KMT2A: variants seen among roughly 807,000 people sequenced by gnomAD.
KMT2A encodes the protein lysine methyltransferase 2A.
KMT2A carries 16 observed loss-of-function variants against 345.3 expected under a neutral mutation model. The observed-to-expected ratio is 0.05, with a 90% CI of 0.03 to 0.07. The LOEUF (loss-of-function observed/expected upper bound fraction) is 0.07, where lower values mean the gene tolerates loss of function less well. Among genes scored for constraint, KMT2A ranks in the 10% least tolerant of loss-of-function variants. The pLI is 1.00. For synonymous variants in KMT2A, 1,599 were observed against 1,778.6 expected, an observed-to-expected ratio of 0.90 and a Z score of 2.54; for missense variants, 3,272 against 4,841.6, an observed-to-expected ratio of 0.68 and a Z score of 9.62.
intron 2 of KMT2A, among the ~76,000 whole-genome samples, chr11:118,470,886 G>T (rs1555035298): frequency 1.3e-5 from 2 of 152,114 alleles, no homozygotes. Flanking sequence ...TTTATAAATT[G>T]GCAAATTCCT....
In KMT2A at chr11:118,523,935, T is replaced by TA. The variant is rs1951025207; in HGVS notation, c.*1764dup. ...GAAGCTCCTCAAAAGGCTACAGTAA[T>TA]ATCTTGATACAACAGATTCTCTTCT... On this transcript the variant is annotated 3_prime_UTR_variant, in exon 36 of 36. Transcript: ENST00000534358. The TA allele has an allele frequency of 4.9e-6, 1 of 202,280 alleles. No individual in the cohort carries two copies. Among genetic ancestry groups the TA allele is most frequent in the South Asian group, 1.9e-4 (1 of 5,272 alleles). The allele number at this position is 202,280 out of a possible 1,614,324, so 12.5% of individuals were successfully genotyped here.
chr11:118,496,245 T>C lies in KMT2A; in HGVS notation c.5558-16T>C. 6.4e-7 allele frequency: 1 copy of C among 1,562,148 alleles called. No homozygotes were observed. Among genetic ancestry groups the C allele is most frequent in the South Asian group, 1.1e-5 (1 of 89,718 alleles). The stretch of plus-strand genomic sequence containing the variant: ...CTGGATCTCAAGGTATTGATGGGAG[T>C]CTTTTGGATTTCAAGGTACTGATAG... On this transcript the variant is annotated splice_polypyrimidine_tract_variant and intron_variant, in intron 19 of 35. Coordinates refer to ENST00000534358, the MANE Select transcript of KMT2A (RefSeq NM_001197104.2). This position sits in a 1 kb window ranked among gnomAD's most constrained non-coding sequence, Gnocchi z 4.7.
chr11:118,489,787 T>G lies in KMT2A; in HGVS notation c.4480-5T>G. On this transcript the variant is annotated splice_region_variant and splice_polypyrimidine_tract_variant and intron_variant, in intron 11 of 35. Transcript: ENST00000534358. Reference sequence around the variant, plus strand: ...TTATCTTTTTGCCATTATATTTTCTTACAGCAGCTGCTGGAGTGTAATAAG... The same window carrying G: ...TTATCTTTTTGCCATTATATTTTCTGACAGCAGCTGCTGGAGTGTAATAAG... 1 of 1,613,742 alleles carries G rather than the reference T, an allele frequency of 6.2e-7. No individual in the cohort carries two copies. Among genetic ancestry groups the G allele is most frequent in the Non-Finnish European group, 8.5e-7 (1 of 1,179,616 alleles).
intron 1 of KMT2A, 66 bp downstream of exon 1, chr11:118,437,010 A>G (rs1591332476): frequency 4.4e-6 from 6 of 1,352,710 alleles, no homozygotes; most frequent in South Asian, 1.7e-5. Context: ...CCCCTCCCCC[A>G]TCCGGGATTG....
In KMT2A at chr11:118,498,173, C is replaced by A; in HGVS notation, c.5802+100C>A. ...GGCCTCCCTGATATTTTTCACAGTG[C>A]CATCAGGGTAGTTAGCCAACAAGTA... On this transcript the variant is annotated intron_variant, in intron 21 of 35. Transcript: ENST00000534358. The surrounding 1 kb of genome is among the most constrained non-coding windows in gnomAD (Gnocchi z 4.4). The A allele has an allele frequency of 7.5e-7, 1 of 1,335,504 alleles. No homozygotes were observed. The highest frequency in any genetic ancestry group is 1.0e-6 in the Non-Finnish European group (1 of 954,320). The allele number at this position is 1,335,504 out of a possible 1,614,324, so 82.7% of individuals were successfully genotyped here.
Position 118,496,495 on chromosome 11 carries a change from C to A in KMT2A, c.5664+128C>A. ...TTACTTATAACTTACTAATTTATAACTTTTATTTACCTATAACTTATAACT... is the reference window on the plus strand; with the variant it reads ...TTACTTATAACTTACTAATTTATAAATTTTATTTACCTATAACTTATAACT... On this transcript the variant is annotated intron_variant, in intron 20 of 35. Transcript: ENST00000534358. The surrounding 1 kb of genome is among the most constrained non-coding windows in gnomAD (Gnocchi z 4.7). The A allele has an allele frequency of 1.8e-6, 1 of 569,106 alleles. No homozygotes were observed. The highest frequency in any genetic ancestry group is 2.4e-5 in the South Asian group (1 of 42,180). The allele number at this position is 569,106 out of a possible 1,614,324, so 35.3% of individuals were successfully genotyped here. A position where few individuals can be genotyped will look rare whatever the true frequency, so the allele number is the denominator to read the frequency against.
chr11:118,511,584 T>C (rs542128754), intron 30 of KMT2A, among the ~76,000 whole-genome samples: 5 of 152,320 alleles, frequency 3.3e-5, no homozygotes, highest in African/African-American at 1.2e-4. Flanking sequence ...TAAATCATTA[T>C]TACTAGTGCT....
At chr11:118,440,301 G>A (rs1555139788) in intron 1 of KMT2A, among the ~76,000 whole-genome samples, 1 of 152,202 alleles carries the variant, frequency 6.6e-6, no homozygotes. Flanking sequence ...TTAGGAAGTA[G>A]AATTGAGGTT....
chr11:118,478,903 T>C (rs1197677028), intron 5 of KMT2A, among the ~76,000 whole-genome samples: 2 of 152,202 alleles, frequency 1.3e-5, no homozygotes, highest in African/African-American at 4.8e-5. Flanking sequence ...ATTACAAACA[T>C]GAGCCACAGT....
In KMT2A at chr11:118,506,073, G is replaced by C; in HGVS notation, c.10181G>C (p.Gly3394Ala). The C allele has an allele frequency of 6.2e-7, 1 of 1,614,138 alleles. No individual in the cohort carries two copies. The highest frequency in any genetic ancestry group is 1.1e-5 in the South Asian group (1 of 91,072). The change falls in exon 27 of 36, where the codon GGG (glycine) becomes GCG (alanine). Residue 3394 changes from glycine to alanine, a missense_variant. Coordinates refer to ENST00000534358, the MANE Select transcript of KMT2A (RefSeq NM_001197104.2). ...ATCAAAGCTAGCCAGCAGAGCCTGG[G>C]GATTCAGGACCAGCCTGTGGCTTTA... Reference protein sequence around the residue: ...LLIKASQQSLGIQDQPVALPP... With the variant: ...LLIKASQQSLAIQDQPVALPP...
intron 28 of KMT2A, 94 bp downstream of exon 28, chr11:118,507,703 GCCTGTAAT>G: frequency 1.0e-6 from 1 of 970,732 alleles, no homozygotes; most frequent in Non-Finnish European, 1.6e-6. Flanking sequence ...AGTGGCTCAC[GCCTGTAAT>G]CCTAGTAGTC....
chr11:118,458,090 T>C (rs1555031416), intron 1 of KMT2A: 1 of 304,798 alleles, frequency 3.3e-6, no homozygotes, highest in Non-Finnish European at 6.6e-6. Context: ...TATTTTATTT[T>C]GGTTTATTTT....
intron 31 of KMT2A, 113 bp downstream of exon 31, chr11:118,512,138 C>A: frequency 2.4e-6 from 2 of 841,496 alleles, no homozygotes; most frequent in Non-Finnish European, 3.8e-6. Context: ...TTTTTCACAG[C>A]TTTATTGAGA....
At chr11:118,486,343 T>G (rs1180707676) in intron 10 of KMT2A, among the ~76,000 whole-genome samples, 1 of 150,058 alleles carries the variant, frequency 6.7e-6, no homozygotes, top group African/African-American at 2.5e-5. Context: ...AGAGTGTGGT[T>G]GGATTATGGG....
intron 1 of KMT2A, among the ~76,000 whole-genome samples, chr11:118,438,026 C>G (rs1452696180): frequency 6.6e-6 from 1 of 152,174 alleles, no homozygotes; most frequent in Non-Finnish European, 1.5e-5. Context: ...CCCTTCTCTT[C>G]TCGTCATTTC....
intron 8 of KMT2A, among the ~76,000 whole-genome samples, chr11:118,483,216 G>C (rs1164230029): frequency 7.5e-6 from 1 of 133,790 alleles, no homozygotes; most frequent in Non-Finnish European, 1.6e-5. Flanking sequence ...CTGGACAACA[G>C]AGCTAGACTC....
chr11:118,501,637 C>G (rs782557235), intron 25 of KMT2A, 35 bp from the exon 26 acceptor site: 1 of 1,552,670 alleles, frequency 6.4e-7, no homozygotes, highest in Non-Finnish European at 8.8e-7. Context: ...TTTAATTGGG[C>G]CTTTTTAGTT....
intron 1 of KMT2A, among the ~76,000 whole-genome samples, chr11:118,461,327 A>G (rs1397354231): frequency 6.6e-6 from 1 of 152,220 alleles, no homozygotes; most frequent in Admixed American, 6.5e-5. Flanking sequence ...GTGGAGATGC[A>G]GGGGTCAGAA....
At chr11:118,439,885 TA>T (rs1257880889) in intron 1 of KMT2A, among the ~76,000 whole-genome samples, 2 of 152,132 alleles carry the variant, frequency 1.3e-5, no homozygotes, top group South Asian at 4.1e-4. Context: ...TGAGTAGTGG[TA>T]AACCTCTGAG....
Sources: allele counts gnomAD v4.1 joint callset (sites outside exome capture counted in the v4.1 genomes callset), GRCh38; gene constraint gnomAD v4.1.1; non-coding constraint Gnocchi (gnomAD v3.1); transcripts MANE v1.5; gene names NCBI Gene and HGNC (gene_info 2026-07-23, HGNC 2026-07-21).